Variants in FSTL1 observed in about 807,000 individuals in gnomAD.
FSTL1 encodes follistatin like 1, also known as follistatin-related protein 1.
A neutral mutation model predicts 45.9 loss-of-function variants in FSTL1; 24 were observed. The ratio of observed to expected loss-of-function variants is 0.52; its 90% CI spans 0.38 to 0.74. The LOEUF (loss-of-function observed/expected upper bound fraction) is 0.74, where lower values mean the gene tolerates loss of function less well. Ranked by LOEUF, FSTL1 falls within the 30% of genes least tolerant of loss-of-function variation. FSTL1 has a pLI of 0.00. For missense variants in FSTL1, 340 were observed against 381.8 expected (o/e 0.89, Z 0.91); for synonymous variants, 120 against 137.6 (o/e 0.87, Z 0.89).
Position 120,395,495 on chromosome 3 carries a change from A to C in FSTL1, c.*1457T>G, listed in dbSNP as rs1936677784. 2.5e-6 allele frequency: 1 copy of C among 398,608 alleles called. No individual in the cohort carries two copies. Among genetic ancestry groups the C allele is most frequent in the Non-Finnish European group, 5.0e-6 (1 of 201,876 alleles). The allele number at this position is 398,608 out of a possible 1,614,324, so 24.7% of individuals were successfully genotyped here. ...GCTTTCTATTTCCAGCCGGAGGTTA[A>C]ACATGAAATGCAAATATGAAGACAG... On this transcript the variant is annotated 3_prime_UTR_variant, in exon 11 of 11. Coordinates refer to ENST00000295633, the MANE Select transcript of FSTL1 (RefSeq NM_007085.5).
chr3:120,423,408 T>C (rs919489442), intron 2 of FSTL1: 7 of 152,000 alleles, frequency 4.6e-5, no homozygotes, highest in South Asian at 2.1e-4. Context: ...TGTCTAGTCA[T>C]AGCAGAAGTA....
intron 6 of FSTL1, among the ~76,000 whole-genome samples, chr3:120,405,373 A>G (rs1936927970): frequency 6.6e-6 from 1 of 152,248 alleles, no homozygotes; most frequent in African/African-American, 2.4e-5. Context: ...GAATCTCTGT[A>G]GCAGGTCCCA....
rs907578694 is a variant in FSTL1, at chr3:120,405,032, C to T, written c.463-61G>A. On this transcript the variant is annotated intron_variant, in intron 6 of 10. Coordinates refer to ENST00000295633, the MANE Select transcript of FSTL1 (RefSeq NM_007085.5). The stretch of plus-strand genomic sequence containing the variant: ...TTGCAGAACCCCTGTTCCATCATTA[C>T]TCCACTCAGCTGACCTGCCTCTGAT... The T allele has an allele frequency of 1.0e-5, 9 of 859,464 alleles. No homozygotes were observed. The African/African-American group carries it at 1.3e-4, about 13-fold the overall frequency. 53.2% of individuals were successfully genotyped at this position (859,464 alleles called of 1,614,324 possible).
intron 6 of FSTL1, among the ~76,000 whole-genome samples, chr3:120,406,609 G>C (rs1281934983): frequency 6.6e-6 from 1 of 152,232 alleles, no homozygotes; most frequent in Non-Finnish European, 1.5e-5. Flanking sequence ...GGGTCCAGTT[G>C]GGCCTCCCCA....
rs542253433 is a variant in FSTL1 at position 120,431,361 on chromosome 3, T to A, written c.64-15334A>T. Among the ~76,000 whole-genome samples the A allele has an allele frequency of 3.3e-5, 5 of 152,322 alleles. No individual in the cohort carries two copies. The East Asian group carries it at 9.6e-4, about 29-fold the overall frequency. ...AGAAAATATATCCAAAATATTACCA[T>A]CTCAACATGTAATCAATAATATGGA... On this transcript the variant is annotated intron_variant, in intron 2 of 10. Coordinates refer to ENST00000295633, the MANE Select transcript of FSTL1 (RefSeq NM_007085.5).
intron 2 of FSTL1, among the ~76,000 whole-genome samples, chr3:120,450,454 A>C (rs1206816752): frequency 1.3e-5 from 2 of 151,756 alleles, no homozygotes; most frequent in South Asian, 4.2e-4. Flanking sequence ...CTCTCCCTCC[A>C]TGTTAGCCGC....
At chr3:120,418,618 A>G (rs13100865) in intron 2 of FSTL1, among the ~76,000 whole-genome samples, 36,646 of 152,160 alleles carry the variant, frequency 0.24, 5,527 homozygotes, top group Non-Finnish European at 0.35. Context: ...TGTGAGTTGC[A>G]TAATTAGCAA....
intron 9 of FSTL1, among the ~76,000 whole-genome samples, chr3:120,400,889 T>C (rs1055784318): frequency 2.0e-5 from 3 of 152,182 alleles, no homozygotes; most frequent in Non-Finnish European, 4.4e-5. Flanking sequence ...CTCCATGTTA[T>C]ACCCACATAG....
At chr3:120,402,677 G>A (rs1198644016) in intron 9 of FSTL1, 131 bp downstream of exon 9, 3 of 665,636 alleles carry the variant, frequency 4.5e-6, no homozygotes, top group South Asian at 1.7e-5. Flanking sequence ...CCTTACAGGT[G>A]TGGGTCTGCC....
intron 2 of FSTL1, among the ~76,000 whole-genome samples, chr3:120,447,755 T>C (rs1937788833): frequency 6.6e-6 from 1 of 152,178 alleles, no homozygotes; most frequent in Admixed American, 6.5e-5. Flanking sequence ...TTCAAGTGAT[T>C]TTCCTGCTTC....
chr3:120,398,893 G>A (rs1428879974), intron 10 of FSTL1, among the ~76,000 whole-genome samples: 6 of 152,138 alleles, frequency 3.9e-5, no homozygotes, highest in Admixed American at 3.9e-4. Flanking sequence ...ACTCAAGACT[G>A]GTGAAATTTG....
At chr3:120,414,780 C>G (rs1253873462) in intron 3 of FSTL1, among the ~76,000 whole-genome samples, 5 of 151,694 alleles carry the variant, frequency 3.3e-5, no homozygotes, top group African/African-American at 1.2e-4. Flanking sequence ...GTTAAACAGA[C>G]GCTTGAAGGC....
At chr3:120,422,364 C>T (rs1937293043) in intron 2 of FSTL1, among the ~76,000 whole-genome samples, 1 of 152,064 alleles carries the variant, frequency 6.6e-6, no homozygotes, top group African/African-American at 2.4e-5. Flanking sequence ...AAAATGGTAA[C>T]TATGTAGAGG....
chr3:120,415,135 A>C (rs892230120), intron 3 of FSTL1, among the ~76,000 whole-genome samples: 3 of 146,802 alleles, frequency 2.0e-5, no homozygotes, highest in African/African-American at 7.7e-5. Context: ...AAAAAAAAAA[A>C]CATTAAAAAA....
intron 2 of FSTL1, among the ~76,000 whole-genome samples, chr3:120,428,482 C>T (rs1201762880): frequency 2.0e-5 from 3 of 152,150 alleles, no homozygotes; most frequent in Non-Finnish European, 2.9e-5. Flanking sequence ...CCTGTAATCC[C>T]AGCCCTCTGG....
chr3:120,441,631 C>A (rs527427102), intron 2 of FSTL1, among the ~76,000 whole-genome samples: 4 of 152,346 alleles, frequency 2.6e-5, no homozygotes, highest in East Asian at 1.9e-4. Context: ...CACATATACA[C>A]GTGCGTGAAT....
At chr3:120,444,444 A>G (rs923481005) in intron 2 of FSTL1, among the ~76,000 whole-genome samples, 1 of 149,658 alleles carries the variant, frequency 6.7e-6, no homozygotes, top group African/African-American at 2.6e-5. Flanking sequence ...TGGGTAAGGG[A>G]GAGGGTAATG....
intron 3 of FSTL1, 54 bp from the exon 4 acceptor site, chr3:120,412,037 ACACACACACACACATACATG>A (rs1937065180): frequency 4.9e-6 from 3 of 615,454 alleles, no homozygotes; most frequent in Non-Finnish European, 7.7e-6. Context: ...CGACACACAG[ACACACACACACACATACATG>A]CACACACACA....
At chr3:120,410,895 T>C (rs1198397335) in intron 5 of FSTL1, 57 bp downstream of exon 5, 2 of 1,363,290 alleles carry the variant, frequency 1.5e-6, no homozygotes, top group African/African-American at 1.4e-5. Context: ...ACAAAATTTC[T>C]ATCATGAAAA....
Sources: allele counts gnomAD v4.1 joint callset (sites outside exome capture counted in the v4.1 genomes callset), GRCh38; gene constraint gnomAD v4.1.1; transcripts MANE v1.5; gene names NCBI Gene and HGNC (gene_info 2026-07-23, HGNC 2026-07-21).